Variants in OVCH1 observed in about 807,000 individuals in gnomAD.
OVCH1 encodes the protein ovochymase-1.
In OVCH1, 139 loss-of-function variants were observed where a neutral mutation model predicts 138.4. That is an observed-to-expected ratio of 1.00 (90% CI 0.87 to 1.16). OVCH1 has a LOEUF of 1.16. Among genes scored for constraint, OVCH1 ranks in the 50% most tolerant of loss-of-function variants. The pLI is 0.00. For synonymous variants in OVCH1, 453 were observed against 467.8 expected (o/e 0.97, Z 0.41); for missense variants, 1,367 against 1,357.9 (o/e 1.01, Z -0.11).
intron 16 of OVCH1, among the ~76,000 whole-genome samples, chr12:29,470,218 TTTTGA>T: frequency 6.6e-6 from 1 of 152,270 alleles, no homozygotes; most frequent in East Asian, 1.9e-4. Flanking sequence ...TTTTTTTCTC[TTTTGA>T]TTTTTTAAAA....
chr12:29,495,958 A>G (rs1378657257), intron 3 of OVCH1, among the ~76,000 whole-genome samples: 1 of 152,212 alleles, frequency 6.6e-6, no homozygotes, highest in African/African-American at 2.4e-5. Flanking sequence ...AAATCCATAA[A>G]TTATAGATGA....
intron 18 of OVCH1, among the ~76,000 whole-genome samples, chr12:29,463,894 T>C (rs1722428784): frequency 6.6e-6 from 1 of 152,146 alleles, no homozygotes; most frequent in Admixed American, 6.5e-5. Context: ...TCTTGTATGG[T>C]ATAAGAAGCA....
At chr12:29,434,088 C>T (rs991424637) in intron 26 of OVCH1, among the ~76,000 whole-genome samples, 7 of 152,116 alleles carry the variant, frequency 4.6e-5, no homozygotes, top group Non-Finnish European at 1.0e-4. Context: ...AGTGCCTTTG[C>T]TCAAACCACA....
chr12:29,462,605 C>A (rs1280542652), intron 18 of OVCH1, among the ~76,000 whole-genome samples: 1 of 151,950 alleles, frequency 6.6e-6, no homozygotes, highest in Non-Finnish European at 1.5e-5. Context: ...AGATTTATGA[C>A]CAATTTTTTT....
At chr12:29,441,360 G>C (rs922204936) in intron 25 of OVCH1, among the ~76,000 whole-genome samples, 3 of 152,134 alleles carry the variant, frequency 2.0e-5, no homozygotes, top group Non-Finnish European at 4.4e-5. Context: ...ACAAAAACAA[G>C]CAATGGGGAA....
rs200714385 is a variant in OVCH1 at position 29,496,280 on chromosome 12, T to A, written c.184-2A>T. The A allele has an allele frequency of 1.9e-5, 31 of 1,595,792 alleles. No individual in the cohort carries two copies. Among genetic ancestry groups the A allele is most frequent in the Non-Finnish European group, 2.4e-5 (28 of 1,170,046 alleles). ...GTGCTCATCTGATTTTAGGGAGACC[T>A]ACCCAAGAAGAAAGTTACAAATGCA... On this transcript the variant is annotated splice_acceptor_variant, in intron 2 of 27. Coordinates refer to ENST00000318184, the Ensembl canonical transcript of OVCH1. LOFTEE classifies it high-confidence loss of function.
chr12:29,457,584 T>C (rs916471440), intron 19 of OVCH1, among the ~76,000 whole-genome samples: 2 of 151,702 alleles, frequency 1.3e-5, no homozygotes, highest in Non-Finnish European at 2.9e-5. Context: ...TTTGTATTTT[T>C]AGTAGAGACA....
Position 29,477,418 on chromosome 12 carries a change from A to G in OVCH1, c.1169T>C (p.Val390Ala), listed in dbSNP as rs200624309. Residue 390 changes from valine to alanine, a missense_variant, in exon 11 of 28, where the codon GTT (valine) becomes GCT (alanine). Val to Ala is a moderately conservative substitution (Grantham distance 64). Coordinates refer to ENST00000318184, the Ensembl canonical transcript of OVCH1. Reference sequence around the variant, plus strand: ...GTCTTCTGTATCAGAAACAAATGGAACCATGGCCTCACTGGTCTCTGCCAG... The same window carrying G: ...GTCTTCTGTATCAGAAACAAATGGAGCCATGGCCTCACTGGTCTCTGCCAG... 5.8e-4 allele frequency: 932 copies of G among 1,613,964 alleles called. 5 individuals carry two copies. In the African/African-American group the frequency reaches 0.011, roughly 19 times the overall value.
rs965933495 is a variant in OVCH1 at position 29,476,775 on chromosome 12, A to G, written c.1377+327T>C. On this transcript the variant is annotated intron_variant, in intron 12 of 27. Transcript: ENST00000318184. ...CGCGCGCACACACACACACACACAC[A>G]CACACACACACACACACACACACAC... Among the ~76,000 whole-genome samples the G allele has an allele frequency of 5.6e-3, 621 of 111,316 alleles. 7 individuals are homozygous for G. Among genetic ancestry groups the G allele is most frequent in the Middle Eastern group, 0.015 (3 of 194 alleles). 73.0% of individuals were successfully genotyped at this position (111,316 alleles called of 152,430 possible).
At chr12:29,444,322 T>A in intron 23 of OVCH1, 42 bp from the exon 24 acceptor site, 4 of 1,586,398 alleles carry the variant, frequency 2.5e-6, no homozygotes, top group Non-Finnish European at 3.4e-6. Flanking sequence ...TAAAACCAAT[T>A]TTTAACAGGC....
At chr12:29,411,838 G>T (rs1940962347), downstream of OVCH1, among the ~76,000 whole-genome samples, 1 of 151,324 alleles carries the variant, frequency 6.6e-6, no homozygotes, top group African/African-American at 2.4e-5. Flanking sequence ...CTTCAAAGCT[G>T]CCAGACAGGG....
chr12:29,438,163 A>G (rs1379022701), intron 26 of OVCH1, among the ~76,000 whole-genome samples: 1 of 152,152 alleles, frequency 6.6e-6, no homozygotes, highest in African/African-American at 2.4e-5. Flanking sequence ...TTAATGCCTT[A>G]GGTAAACTAA....
At position 29,445,401 on chromosome 12, in the gene OVCH1, C is replaced by CA; in HGVS notation, c.2757dup (p.Gly920TrpfsTer47). 1 of 1,603,594 alleles carries CA rather than the reference C, an allele frequency of 6.2e-7. No individual in the cohort carries two copies. Among genetic ancestry groups the CA allele is most frequent in the Non-Finnish European group, 8.5e-7 (1 of 1,175,508 alleles). On this transcript the variant is annotated frameshift_variant and splice_region_variant, in exon 23 of 28. Transcript: ENST00000318184. LOFTEE classifies it high-confidence loss of function. The stretch of plus-strand genomic sequence containing the variant: ...GAGTAAAGTCTTCTTCCATGTAATC[C>CA]ACCTAGGTTAAAAAGTGAACTCTAG...
chr12:29,438,802 A>G (rs1941412411), intron 26 of OVCH1, among the ~76,000 whole-genome samples: 1 of 152,106 alleles, frequency 6.6e-6, no homozygotes, highest in South Asian at 2.1e-4. Flanking sequence ...TTTCTCATTT[A>G]CAGTAGAAAA....
intron 26 of OVCH1, among the ~76,000 whole-genome samples, chr12:29,436,579 T>C (rs1014990140): frequency 6.6e-6 from 1 of 152,228 alleles, no homozygotes; most frequent in African/African-American, 2.4e-5. Context: ...CCGCAGACAT[T>C]TGCGGCGAGT....
intron 4 of OVCH1, 36 bp downstream of exon 4, chr12:29,495,249 C>T (rs765172653): frequency 6.4e-7 from 1 of 1,558,548 alleles, no homozygotes; most frequent in Non-Finnish European, 8.8e-7. Context: ...AGTTTTCCTC[C>T]ACTGCATTTT....
chr12:29,471,486 A>G (rs1942505538), intron 16 of OVCH1, among the ~76,000 whole-genome samples: 1 of 152,332 alleles, frequency 6.6e-6, no homozygotes, highest in Non-Finnish European at 1.5e-5. Flanking sequence ...GGAACATGAG[A>G]GGAGTCTTCA....
intron 1 of OVCH1, 52 bp from the exon 2 acceptor site, chr12:29,496,726 C>A: frequency 7.3e-7 from 1 of 1,362,292 alleles, no homozygotes; most frequent in South Asian, 1.3e-5. Context: ...TGTAAGAGTT[C>A]ACTTTACCAA....
intron 19 of OVCH1, among the ~76,000 whole-genome samples, chr12:29,458,726 G>A (rs1202327546): frequency 6.6e-6 from 1 of 152,104 alleles, no homozygotes; most frequent in African/African-American, 2.4e-5. Flanking sequence ...AAAAATTTCT[G>A]CAAACTACCC....
Sources: allele counts gnomAD v4.1 joint callset (sites outside exome capture counted in the v4.1 genomes callset), GRCh38; gene constraint gnomAD v4.1.1; transcripts MANE v1.5; gene names NCBI Gene and HGNC (gene_info 2026-07-23, HGNC 2026-07-21).